Variants in LRRN1 observed in about 807,000 individuals in gnomAD.
LRRN1 encodes leucine rich repeat neuronal 1, also known as leucine-rich repeat neuronal protein 1.
In LRRN1, 14 loss-of-function variants were observed where a neutral mutation model predicts 45.8. The ratio of observed to expected loss-of-function variants is 0.31; its 90% confidence interval spans 0.20 to 0.48. The LOEUF is 0.48. Among genes scored for constraint, LRRN1 ranks in the 20% least tolerant of loss-of-function variants. The probability of loss-of-function intolerance (pLI) is 0.99; values close to 1 mark genes in which losing one functional copy is unlikely to be tolerated. For synonymous variants in LRRN1, 359 were observed against 330.1 expected, an observed-to-expected ratio of 1.09 and a Z score of -0.95; for missense variants, 789 against 874.2, an observed-to-expected ratio of 0.90 and a Z score of 1.23.
rs1393100372 is a variant in LRRN1 at position 3,845,608 on chromosome 3, C to G, written c.967C>G (p.Pro323Ala). 4 of 1,613,928 alleles carry G rather than the reference C, an allele frequency of 2.5e-6. No individual in the cohort carries two copies. The East Asian group carries it at 8.9e-5, about 36-fold the overall frequency. The change falls in exon 2 of 2, where the codon CCT becomes GCT. Residue 323 changes from proline to alanine, a missense_variant. By Grantham distance (27) the Pro-to-Ala change is conservative (BLOSUM62 -1). Transcript: ENST00000319331. The surrounding 1 kb of genome is among the most constrained non-coding windows in gnomAD (Gnocchi z 6.5). ...CACAAAGCTGGAAGCCACCAATAAC[C>G]CTAAACTCTCTTACATCCACCGCTT... The part of the protein sequence containing the change: ...ELTKLEATNN[P>A]KLSYIHRLAF...
Position 3,844,344 on chromosome 3 carries a change from T to C in LRRN1, c.-278-20T>C, listed in dbSNP as rs1449496634. ...AAGTATATGGAATAAGCATAACATC[T>C]GTCCTAATCTAATTTTCAGGCACAT... On this transcript the variant is annotated intron_variant, in intron 1 of 1. Coordinates refer to ENST00000319331, the MANE Select transcript of LRRN1 (RefSeq NM_020873.7). 1 of 306,528 alleles carries C rather than the reference T, an allele frequency of 3.3e-6. No homozygotes were observed. The highest frequency in any genetic ancestry group is 6.0e-6 in the Non-Finnish European group (1 of 166,320). The allele number at this position is 306,528 out of a possible 1,614,324, so 19.0% of individuals were successfully genotyped here.
At chr3:3,811,103 C>G (rs1421722502) in intron 1 of LRRN1, among the ~76,000 whole-genome samples, 1 of 152,058 alleles carries the variant, frequency 6.6e-6, no homozygotes, top group African/African-American at 2.4e-5. Context: ...ATAGAGTTTT[C>G]TAAGTGTGCT....
At chr3:3,812,523 A>G (rs1692897374) in intron 1 of LRRN1, among the ~76,000 whole-genome samples, 1 of 152,214 alleles carries the variant, frequency 6.6e-6, no homozygotes, top group African/African-American at 2.4e-5. Flanking sequence ...TTTTCTGCCT[A>G]CTTCCAAAGT....
chr3:3,846,904 C>A lies in LRRN1; in HGVS notation c.*112C>A. 2.2e-6 allele frequency: 2 copies of A among 924,990 alleles called. No homozygotes were observed. Among genetic ancestry groups the A allele is most frequent in the Non-Finnish European group, 3.2e-6 (2 of 621,072 alleles). The allele number at this position is 924,990 out of a possible 1,614,324, so 57.3% of individuals were successfully genotyped here. ...TATTTTTGACTTTGCTAGTTTGTGG[C>A]AGAGTGGAGAGGACGGGTGGATATT... On this transcript the variant is annotated 3_prime_UTR_variant, in exon 2 of 2. Coordinates refer to ENST00000319331, the MANE Select transcript of LRRN1 (RefSeq NM_020873.7). This position sits in a 1 kb window ranked among gnomAD's most constrained non-coding sequence, Gnocchi z 5.7.
chr3:3,846,412 G>C lies in LRRN1; in HGVS notation c.1771G>C (p.Asp591His), dbSNP rs1469032543. The C allele has an allele frequency of 6.2e-7, 1 of 1,613,948 alleles. No homozygotes were observed. The highest frequency in any genetic ancestry group is 1.1e-5 in the South Asian group (1 of 91,084). ...CCTAACGCATCTGCAGCCTTCCACA[G>C]ATTATGAAGTGTGTCTCACAGTGTC... ...YNLTHLQPST[D>H]YEVCLTVSNI... The change falls in exon 2 of 2, where the codon GAT becomes CAT. Residue 591 changes from aspartate (D) to histidine (H), a missense_variant. Physicochemically the swap from Asp to His is moderately conservative, Grantham distance 81. Coordinates refer to ENST00000319331, the MANE Select transcript of LRRN1 (RefSeq NM_020873.7). The surrounding 1 kb of genome is among the most constrained non-coding windows in gnomAD (Gnocchi z 5.7).
intron 1 of LRRN1, among the ~76,000 whole-genome samples, chr3:3,838,941 C>T (rs1241967466): frequency 6.6e-6 from 1 of 152,026 alleles, no homozygotes; most frequent in Non-Finnish European, 1.5e-5. Context: ...AAAATATTGT[C>T]TCCCATTCTG....
chr3:3,818,654 T>C (rs1029922406), intron 1 of LRRN1, among the ~76,000 whole-genome samples: 7 of 152,172 alleles, frequency 4.6e-5, no homozygotes, highest in Admixed American at 3.9e-4. Flanking sequence ...CTGTATCTGG[T>C]GTGTGACTTT....
intron 1 of LRRN1, among the ~76,000 whole-genome samples, chr3:3,805,154 C>T (rs1173290438): frequency 6.6e-6 from 1 of 152,170 alleles, no homozygotes; most frequent in Admixed American, 6.5e-5. Context: ...ATATTAGCAC[C>T]TATCTCAGTA....
chr3:3,837,720 T>A (rs995829937), intron 1 of LRRN1, among the ~76,000 whole-genome samples: 3 of 151,784 alleles, frequency 2.0e-5, no homozygotes, highest in Admixed American at 1.3e-4. Flanking sequence ...TTTTTTTTAA[T>A]TAATTTTAAT....
In LRRN1 at chr3:3,844,807, G is replaced by A; in HGVS notation, c.166G>A (p.Val56Ile). ...GTCAACTTACAGAGAAGCCACCACT[G>A]TTGATTGCAATGACCTCCGCTTAAC... ...PQSTYREATT[V>I]DCNDLRLTRI... The change falls in exon 2 of 2, where the codon GTT becomes ATT. Residue 56 changes from valine to isoleucine, a missense_variant. Coordinates refer to ENST00000319331, the MANE Select transcript of LRRN1 (RefSeq NM_020873.7). 6.2e-7 allele frequency: 1 copy of A among 1,614,166 alleles called. No individual in the cohort carries two copies. Among genetic ancestry groups the A allele is most frequent in the Non-Finnish European group, 8.5e-7 (1 of 1,180,006 alleles).
In LRRN1 at chr3:3,800,204, A is replaced by G. The variant is rs1189571988; in HGVS notation, c.-279+285A>G. 2.0e-5 allele frequency among the ~76,000 whole-genome samples: 3 copies of G among 149,900 alleles called. No individual in the cohort carries two copies. The East Asian group carries it at 5.8e-4, about 29-fold the overall frequency. On this transcript the variant is annotated intron_variant, in intron 1 of 1. Transcript: ENST00000319331. ...GAAGGCAGGCCAGATAGAAACAGGC[A>G]AAAAAAGGCAGTGACCGGAGCCGAG... is the stretch of plus-strand genomic sequence containing the variant.
At chr3:3,819,424 C>T (rs1693056319) in intron 1 of LRRN1, among the ~76,000 whole-genome samples, 2 of 152,196 alleles carry the variant, frequency 1.3e-5, no homozygotes, top group Admixed American at 6.5e-5. Flanking sequence ...AAGATGAAAG[C>T]ATCAAGGTGT....
intron 1 of LRRN1, among the ~76,000 whole-genome samples, chr3:3,828,899 A>G (rs1353393315): frequency 6.6e-6 from 1 of 152,068 alleles, no homozygotes; most frequent in African/African-American, 2.4e-5. Flanking sequence ...ATGTGATCGT[A>G]GCTGGTATTG....
chr3:3,847,438 A>G lies in LRRN1; in HGVS notation c.*646A>G, dbSNP rs1211988753. 2 of 166,622 alleles carry G rather than the reference A, an allele frequency of 1.2e-5. No individual in the cohort carries two copies. The highest frequency in any genetic ancestry group is 2.9e-5 in the Non-Finnish European group (2 of 68,072). The allele number at this position is 166,622 out of a possible 1,614,324, so 10.3% of individuals were successfully genotyped here. A position where few individuals can be genotyped will look rare whatever the true frequency, so the allele number is the denominator to read the frequency against. On this transcript the variant is annotated 3_prime_UTR_variant, in exon 2 of 2. Transcript: ENST00000319331. ...GAGGCTTAGAACAAGCTAACAGGCA[A>G]TAGAAATATGTATATCAGATTTTTT...
Position 3,846,175 on chromosome 3 carries a change from G to T in LRRN1, c.1534G>T (p.Ala512Ser), listed in dbSNP as rs1189343615. Residue 512 changes from alanine to serine, a missense_variant, in exon 2 of 2, where the codon GCA (alanine) becomes TCA (serine). Coordinates refer to ENST00000319331, the MANE Select transcript of LRRN1 (RefSeq NM_020873.7). This position sits in a 1 kb window ranked among gnomAD's most constrained non-coding sequence, Gnocchi z 5.7. The part of the protein sequence containing the change: ...QNVQGADTRV[A>S]TIKVNGTLLD... Reference sequence around the variant, plus strand: ...TGTCCAAGGGGCAGACACTCGGGTGGCAACAATTAAGGTTAATGGGACCCT... The same window carrying T: ...TGTCCAAGGGGCAGACACTCGGGTGTCAACAATTAAGGTTAATGGGACCCT... The T allele has an allele frequency of 2.5e-6, 4 of 1,614,110 alleles. No homozygotes were observed. In the Admixed American group the frequency reaches 5.0e-5, roughly 20 times the overall value.
Position 3,844,599 on chromosome 3 carries a change from A to C in LRRN1, c.-43A>C, listed in dbSNP as rs1286894798. ...ACAATATAGTGTTCACGTTTTGTTA[A>C]AACTTTGGGGTGTCAGGAGTTGAGC... On this transcript the variant is annotated 5_prime_UTR_variant, in exon 2 of 2. It removes the in-frame stop codon of an upstream open reading frame in the 5' UTR. Coordinates refer to ENST00000319331, the MANE Select transcript of LRRN1 (RefSeq NM_020873.7). 2 of 1,497,788 alleles carry C rather than the reference A, an allele frequency of 1.3e-6. No individual in the cohort carries two copies. The highest frequency in any genetic ancestry group is 1.8e-6 in the Non-Finnish European group (2 of 1,096,720). The allele number at this position is 1,497,788 out of a possible 1,614,324, so 92.8% of individuals were successfully genotyped here.
intron 1 of LRRN1, among the ~76,000 whole-genome samples, chr3:3,838,577 T>C (rs1307394196): frequency 6.6e-6 from 1 of 152,194 alleles, no homozygotes; most frequent in Non-Finnish European, 1.5e-5. Flanking sequence ...GGTGATTATA[T>C]TTTCAATTTT....
intron 1 of LRRN1, among the ~76,000 whole-genome samples, chr3:3,813,751 G>A (rs1310399058): frequency 6.6e-6 from 1 of 152,142 alleles, no homozygotes; most frequent in Non-Finnish European, 1.5e-5. Context: ...AGGATGCAGA[G>A]TGAACTGTGG....
chr3:3,845,158 C>T lies in LRRN1; in HGVS notation c.517C>T (p.His173Tyr). 1 of 1,614,162 alleles carries T rather than the reference C, an allele frequency of 6.2e-7. No individual in the cohort carries two copies. Among genetic ancestry groups the T allele is most frequent in the Non-Finnish European group, 8.5e-7 (1 of 1,180,028 alleles). The change falls in exon 2 of 2, where the codon CAC becomes TAC. Residue 173 changes from histidine (H) to tyrosine (Y), a missense_variant. Transcript: ENST00000319331. The surrounding 1 kb of genome is among the most constrained non-coding windows in gnomAD (Gnocchi z 6.5). ...AGGCTTAAAAAATCTATTAAGGCTC[C>T]ACCTGAACTCCAACAAATTGAAAGT... ...FAGLKNLLRL[H>Y]LNSNKLKVID...
Sources: gnomAD v4.1 joint callset for allele counts (sites outside exome capture counted in the v4.1 genomes callset) on GRCh38, gnomAD v4.1.1 for gene constraint, Gnocchi (gnomAD v3.1) non-coding constraint, MANE v1.5 for transcripts, NCBI Gene and HGNC (gene_info 2026-07-23, HGNC 2026-07-21) for gene names.